Variants in AOAH observed in about 807,000 individuals in gnomAD.
The protein encoded by AOAH is acyloxyacyl hydrolase.
In AOAH, 64 loss-of-function variants were observed where a neutral mutation model predicts 92.2. The observed-to-expected ratio is 0.69, with a 90% CI of 0.57 to 0.86. The LOEUF is 0.86. Among genes scored for constraint, AOAH ranks in the 40% least tolerant of loss-of-function variants. The pLI is 0.00. For synonymous variants in AOAH, 263 were observed against 254.5 expected (o/e 1.03, Z -0.32); for missense variants, 656 against 694.6 (o/e 0.94, Z 0.62).
intron 1 of AOAH, chr7:36,690,048 T>C (rs1797291608): frequency 5.6e-6 from 2 of 357,654 alleles, no homozygotes; most frequent in South Asian, 2.2e-5. Flanking sequence ...GAAGGATAAA[T>C]GCAAAGCGAA....
intron 11 of AOAH, among the ~76,000 whole-genome samples, chr7:36,601,971 T>G (rs1170592538): frequency 2.0e-5 from 3 of 152,190 alleles, no homozygotes; most frequent in Non-Finnish European, 4.4e-5. Context: ...TTTAGTGACT[T>G]AAAATGTACT....
intron 12 of AOAH, among the ~76,000 whole-genome samples, chr7:36,589,598 G>A (rs143610382): frequency 9.2e-5 from 14 of 152,334 alleles, no homozygotes; most frequent in Admixed American, 2.6e-4. Context: ...CCCAATGAGC[G>A]TGGGAGAGAA....
chr7:36,686,058 C>T (rs1321417091), intron 2 of AOAH, among the ~76,000 whole-genome samples: 1 of 151,838 alleles, frequency 6.6e-6, no homozygotes, highest in Non-Finnish European at 1.5e-5. Context: ...GAAGTTTATT[C>T]ATTACGACTG....
intron 11 of AOAH, among the ~76,000 whole-genome samples, chr7:36,604,305 T>G (rs1450968469): frequency 1.3e-5 from 2 of 152,232 alleles, no homozygotes; most frequent in Non-Finnish European, 2.9e-5. Context: ...CACATGGTAA[T>G]ATTTGCTTTC....
At chr7:36,644,710 G>A (rs888898933) in intron 4 of AOAH, among the ~76,000 whole-genome samples, 3 of 152,174 alleles carry the variant, frequency 2.0e-5, no homozygotes, top group Non-Finnish European at 4.4e-5. Flanking sequence ...TTAGGCATGA[G>A]TTTCTACAGT....
At chr7:36,522,316 G>T (rs1199865670) in intron 19 of AOAH, among the ~76,000 whole-genome samples, 1 of 152,236 alleles carries the variant, frequency 6.6e-6, no homozygotes, top group Non-Finnish European at 1.5e-5. Context: ...TTCTAACTCA[G>T]GAAGGGAATA....
intron 1 of AOAH, among the ~76,000 whole-genome samples, chr7:36,696,299 A>G (rs1242764038): frequency 6.6e-6 from 1 of 152,130 alleles, no homozygotes; most frequent in Non-Finnish European, 1.5e-5. Flanking sequence ...CAGTTTTCCA[A>G]TTTCTACAAA....
intron 7 of AOAH, among the ~76,000 whole-genome samples, chr7:36,622,170 C>T (rs1429699830): frequency 6.6e-6 from 1 of 152,028 alleles, no homozygotes; most frequent in Non-Finnish European, 1.5e-5. Flanking sequence ...GATGTGTGTG[C>T]ATGTACACAC....
chr7:36,548,772 A>C, intron 14 of AOAH, 86 bp from the exon 15 acceptor site: 1 of 1,265,808 alleles, frequency 7.9e-7, no homozygotes, highest in Non-Finnish European at 1.1e-6. Context: ...CTTTGAAAAC[A>C]ATCTTGGTAT....
At chr7:36,566,560 T>C (rs1216212985) in intron 13 of AOAH, among the ~76,000 whole-genome samples, 1 of 151,998 alleles carries the variant, frequency 6.6e-6, no homozygotes. Flanking sequence ...CCCCCAGGAA[T>C]GTCAGGTGAC....
At chr7:36,635,416 C>A (rs575757237) in intron 5 of AOAH, among the ~76,000 whole-genome samples, 13 of 152,294 alleles carry the variant, frequency 8.5e-5, no homozygotes, top group African/African-American at 2.6e-4. Context: ...GTGGGACAGT[C>A]ATCACTCTTC....
At chr7:36,667,285 G>A (rs1316801437) in intron 3 of AOAH, among the ~76,000 whole-genome samples, 2 of 152,202 alleles carry the variant, frequency 1.3e-5, no homozygotes, top group Admixed American at 1.3e-4. Flanking sequence ...CACCTGGGAT[G>A]TGAATTGTTC....
At position 36,516,294 on chromosome 7, in the gene AOAH, C is replaced by T. The variant is rs7782119; in HGVS notation, c.1600-2914G>A. Reference sequence around the variant, plus strand: ...ACATACACATATAACATACACACACCCCCCCACACAGATACCACACACACA... The same window carrying T: ...ACATACACATATAACATACACACACTCCCCCACACAGATACCACACACACA... On this transcript the variant is annotated intron_variant, in intron 20 of 20. Coordinates refer to ENST00000617537, the MANE Select transcript of AOAH (RefSeq NM_001637.4). This position sits in a 1 kb window ranked among gnomAD's most constrained non-coding sequence, Gnocchi z 5.0. Among the ~76,000 whole-genome samples, 2 of 146,272 alleles carry T rather than the reference C, an allele frequency of 1.4e-5. No homozygotes were observed. Among genetic ancestry groups the T allele is most frequent in the African/African-American group, 2.6e-5 (1 of 38,736 alleles).
intron 7 of AOAH, 126 bp from the exon 8 acceptor site, chr7:36,621,906 C>A: frequency 1.3e-6 from 1 of 765,516 alleles, no homozygotes. Context: ...AATCTAGGAT[C>A]ACTAAAGAGC....
At chr7:36,575,575 T>A (rs968722532) in intron 13 of AOAH, among the ~76,000 whole-genome samples, 1 of 152,206 alleles carries the variant, frequency 6.6e-6, no homozygotes, top group Non-Finnish European at 1.5e-5. Flanking sequence ...ATACTTGCCT[T>A]ACAATGTCTG....
intron 3 of AOAH, among the ~76,000 whole-genome samples, chr7:36,662,693 G>A (rs1562671521): frequency 6.6e-6 from 1 of 152,132 alleles, no homozygotes; most frequent in African/African-American, 2.4e-5. Context: ...CTCATCATGT[G>A]ATATACAAGA....
chr7:36,523,629 GTTTTTTTT>G (rs57628897), intron 19 of AOAH, among the ~76,000 whole-genome samples: 1,203 of 100,148 alleles, frequency 0.012, 17 homozygotes, highest in Non-Finnish European at 0.017. Context: ...TGTTTTGCCT[GTTTTTTTT>G]TTTTTTTTTT....
intron 19 of AOAH, among the ~76,000 whole-genome samples, chr7:36,522,737 T>A (rs1404636821): frequency 6.6e-6 from 1 of 152,142 alleles, no homozygotes; most frequent in East Asian, 1.9e-4. Flanking sequence ...CGTCATTCCA[T>A]CATACAGTCA....
chr7:36,603,230 C>G (rs1310096904), intron 11 of AOAH, among the ~76,000 whole-genome samples: 3 of 152,134 alleles, frequency 2.0e-5, no homozygotes, highest in Non-Finnish European at 4.4e-5. Context: ...TCATCCTCCA[C>G]CACAAGGAAC....
Sources: gnomAD v4.1 joint callset for allele counts (sites outside exome capture counted in the v4.1 genomes callset) on GRCh38, gnomAD v4.1.1 for gene constraint, Gnocchi (gnomAD v3.1) non-coding constraint, MANE v1.5 for transcripts, NCBI Gene and HGNC (gene_info 2026-07-23, HGNC 2026-07-21) for gene names.